The following ENAH variants were observed in gnomAD, a reference collection of about 807,000 sequenced individuals.
ENAH encodes the protein protein enabled homolog.
In ENAH, 23 loss-of-function variants were observed where a neutral mutation model predicts 78.7. The observed-to-expected ratio is 0.29, with a 90% confidence interval of 0.21 to 0.41. ENAH has a LOEUF of 0.41. ENAH is among the 10% of genes least tolerant of loss of function. The pLI, the probability that ENAH is intolerant of heterozygous loss-of-function variation, is 1.00. For missense variants in ENAH, 544 were observed against 691.0 expected, an observed-to-expected ratio of 0.79 and a Z score of 2.39; for synonymous variants, 226 against 241.0, an observed-to-expected ratio of 0.94 and a Z score of 0.58.
chr1:225,527,194 A>G (rs1264683010), intron 4 of ENAH, among the ~76,000 whole-genome samples: 1 of 152,182 alleles, frequency 6.6e-6, no homozygotes, highest in Non-Finnish European at 1.5e-5. Flanking sequence ...AATGTTTTTC[A>G]CTACACGTTC....
At chr1:225,499,202 T>C (rs1021799313) in intron 12 of ENAH, among the ~76,000 whole-genome samples, 3 of 152,048 alleles carry the variant, frequency 2.0e-5, no homozygotes, top group South Asian at 2.1e-4. Flanking sequence ...AAAATGCAGC[T>C]ACAGCCAGGC....
At chr1:225,582,326 A>T (rs2096822998) in intron 1 of ENAH, among the ~76,000 whole-genome samples, 1 of 152,152 alleles carries the variant, frequency 6.6e-6, no homozygotes, top group Admixed American at 6.6e-5. Context: ...TTTATACATT[A>T]CCCAAGCTCA....
chr1:225,625,796 A>G (rs563272845), intron 1 of ENAH, among the ~76,000 whole-genome samples: 19 of 152,310 alleles, frequency 1.2e-4, no homozygotes, highest in African/African-American at 4.6e-4. Flanking sequence ...GATTACAGGC[A>G]TGAGCCACCA....
At chr1:225,501,818 T>A (rs1212682856) in intron 11 of ENAH, among the ~76,000 whole-genome samples, 2 of 152,178 alleles carry the variant, frequency 1.3e-5, no homozygotes, top group Admixed American at 1.3e-4. Context: ...AAAGTTTAGT[T>A]TCTATTATAA....
intron 1 of ENAH, among the ~76,000 whole-genome samples, chr1:225,629,663 T>C (rs1327064662): frequency 6.6e-6 from 1 of 151,334 alleles, no homozygotes; most frequent in African/African-American, 2.4e-5. Context: ...TTAAGAATGG[T>C]AGTAGAGATA....
At chr1:225,642,716 G>T (rs1379054852) in intron 1 of ENAH, among the ~76,000 whole-genome samples, 1 of 152,142 alleles carries the variant, frequency 6.6e-6, no homozygotes, top group African/African-American at 2.4e-5. Flanking sequence ...ATATGTATAT[G>T]CACTATGAAG....
At chr1:225,611,846 G>C (rs1332361808) in intron 1 of ENAH, among the ~76,000 whole-genome samples, 1 of 152,082 alleles carries the variant, frequency 6.6e-6, no homozygotes, top group Non-Finnish European at 1.5e-5. Flanking sequence ...TTAGGGAAAT[G>C]AAAATAAAAA....
In ENAH at chr1:225,511,832, C is replaced by T. The variant is rs549324711; in HGVS notation, c.1450G>A (p.Ala484Thr). Residue 484 changes from alanine (A) to threonine (T), a missense_variant, in exon 10 of 14, where the codon GCC becomes ACC. Physicochemically the swap from Ala to Thr is moderately conservative, Grantham distance 58. This residue lies in a region of ENAH where 97 missense variants were observed against 124.4 expected (regional missense o/e 0.78). Coordinates refer to ENST00000366843, the MANE Select transcript of ENAH (RefSeq NM_018212.6). ...GEDSEPVTSK[A>T]SSTSTPEPTR... Reference sequence around the variant, plus strand: ...TTACCAGGTGTACTTGTTGAAGAGGCCTTAGAAGTTACAGGCTCTGAATCT... The same window carrying T: ...TTACCAGGTGTACTTGTTGAAGAGGTCTTAGAAGTTACAGGCTCTGAATCT... 1.2e-6 allele frequency: 2 copies of T among 1,604,990 alleles called. No homozygotes were observed. Among genetic ancestry groups the T allele is most frequent in the African/African-American group, 2.7e-5 (2 of 74,782 alleles).
chr1:225,607,405 T>TAAC (rs2096961902), intron 1 of ENAH, among the ~76,000 whole-genome samples: 1 of 149,644 alleles, frequency 6.7e-6, no homozygotes, highest in Non-Finnish European at 1.5e-5. Context: ...GGATTAGAGG[T>TAAC]AACTGACTTA....
intron 2 of ENAH, among the ~76,000 whole-genome samples, chr1:225,563,341 A>T (rs901122018): frequency 6.6e-6 from 1 of 152,244 alleles, no homozygotes; most frequent in Admixed American, 6.5e-5. Context: ...GAAAGTGATT[A>T]GAGCTGAAAT....
chr1:225,519,012 AAAGC>A (rs2096444253), intron 5 of ENAH, 182 bp downstream of exon 5: 1 of 958,020 alleles, frequency 1.0e-6, no homozygotes, highest in African/African-American at 1.6e-5. Context: ...CCAAGCAATA[AAAGC>A]AATACAGAGA....
chr1:225,592,241 G>A (rs994583747), intron 1 of ENAH, among the ~76,000 whole-genome samples: 2 of 152,184 alleles, frequency 1.3e-5, no homozygotes, highest in Non-Finnish European at 2.9e-5. Flanking sequence ...CATTTGATGT[G>A]TTAACAAACA....
intron 1 of ENAH, among the ~76,000 whole-genome samples, chr1:225,601,579 G>A (rs1401503408): frequency 1.3e-5 from 2 of 150,156 alleles, no homozygotes; most frequent in Non-Finnish European, 3.0e-5. Context: ...AAAAAAGAAA[G>A]TCCTAAAAGC....
intron 4 of ENAH, among the ~76,000 whole-genome samples, chr1:225,530,328 T>C (rs1445616138): frequency 6.6e-6 from 1 of 152,180 alleles, no homozygotes; most frequent in Non-Finnish European, 1.5e-5. Context: ...ATACCTTAAG[T>C]ATAATTTTTA....
chr1:225,623,438 G>C (rs1187735608), intron 1 of ENAH, among the ~76,000 whole-genome samples: 1 of 152,038 alleles, frequency 6.6e-6, no homozygotes, highest in Non-Finnish European at 1.5e-5. Context: ...TCAAAAATAT[G>C]ATAATACTTC....
intron 2 of ENAH, 93 bp from the exon 3 acceptor site, chr1:225,555,176 G>T: frequency 8.9e-7 from 1 of 1,128,990 alleles, no homozygotes; most frequent in Non-Finnish European, 1.2e-6. Flanking sequence ...ATTCAAATGT[G>T]TTCCTAACAG....
rs1221277843 is a variant in ENAH, at chr1:225,487,249, G to A, written c.*10526C>T. 1 of 152,190 alleles carries A rather than the reference G, an allele frequency of 6.6e-6. No individual in the cohort carries two copies. The highest frequency in any genetic ancestry group is 1.5e-5 in the Non-Finnish European group (1 of 68,044). 9.4% of individuals were successfully genotyped at this position (152,190 alleles called of 1,614,324 possible). ...TCCTTCCTAGGTTGGCTCACAAGTGGTCCTCCTTTTTATTTATTCCTATAT... is the reference window on the plus strand; with the variant it reads ...TCCTTCCTAGGTTGGCTCACAAGTGATCCTCCTTTTTATTTATTCCTATAT... On this transcript the variant is annotated 3_prime_UTR_variant, in exon 14 of 14. Coordinates refer to ENST00000366843, the MANE Select transcript of ENAH (RefSeq NM_018212.6).
chr1:225,554,246 C>A (rs2096655473), intron 3 of ENAH, among the ~76,000 whole-genome samples: 1 of 152,244 alleles, frequency 6.6e-6, no homozygotes, highest in South Asian at 2.1e-4. Context: ...GAAATAACCA[C>A]ACACTGGTAC....
At chr1:225,526,482 G>C (rs1233867266) in intron 4 of ENAH, among the ~76,000 whole-genome samples, 1 of 151,994 alleles carries the variant, frequency 6.6e-6, no homozygotes, top group Non-Finnish European at 1.5e-5. Context: ...GGAACTACAG[G>C]TGCATGCCAC....
Sources: allele counts gnomAD v4.1 joint callset (sites outside exome capture counted in the v4.1 genomes callset), GRCh38; gene constraint gnomAD v4.1.1; regional missense constraint gnomAD v4.1.1; transcripts MANE v1.5; gene names NCBI Gene and HGNC (gene_info 2026-07-23, HGNC 2026-07-21).